The following NPLOC4 variants were observed in gnomAD, a reference collection of about 807,000 sequenced individuals.
NPLOC4 encodes NPL4 homolog, ubiquitin recognition factor.
Under a neutral mutation model 80.6 loss-of-function variants are expected in NPLOC4, and 18 were observed. The observed-to-expected ratio is 0.22, with a 90% CI of 0.15 to 0.33. NPLOC4 has a LOEUF of 0.33. Among genes scored for constraint, NPLOC4 ranks in the 10% least tolerant of loss-of-function variants. The pLI, the probability that NPLOC4 is intolerant of heterozygous loss-of-function variation, is 1.00. For synonymous variants in NPLOC4, 313 were observed against 301.5 expected (o/e 1.04, Z -0.39); for missense variants, 540 against 786.1 (o/e 0.69, Z 3.74).
intron 16 of NPLOC4, chr17:81,563,906 T>C: frequency 2.2e-6 from 1 of 454,618 alleles, no homozygotes; most frequent in Admixed American, 2.4e-5. Context: ...GAGCTAAACA[T>C]GGGTACTCAC....
Position 81,588,886 on chromosome 17 carries a change from C to A in NPLOC4, c.1281+58G>T, listed in dbSNP as rs559971869. The A allele has an allele frequency of 2.9e-4, 434 of 1,508,482 alleles. 6 individuals are homozygous for A. In the South Asian group the frequency reaches 5.0e-3, roughly 17 times the overall value. 93.4% of individuals were successfully genotyped at this position (1,508,482 alleles called of 1,614,324 possible). A position where few individuals can be genotyped will look rare whatever the true frequency, so the allele number is the denominator to read the frequency against. ...AGAATGCACCCAAATTAGAAAGGTC[C>A]AAGACAGGTTCACACCATTCTCCAT... On this transcript the variant is annotated intron_variant, in intron 12 of 16. Coordinates refer to ENST00000331134, the MANE Select transcript of NPLOC4 (RefSeq NM_017921.4).
chr17:81,609,277 C>CAA (rs908492671), intron 5 of NPLOC4, among the ~76,000 whole-genome samples: 1 of 152,194 alleles, frequency 6.6e-6, no homozygotes, highest in African/African-American at 2.4e-5. Flanking sequence ...CTTGGCCTCC[C>CAA]AAAGTGTTAG....
chr17:81,563,211 A>G (rs2033903357), intron 16 of NPLOC4: 1 of 151,638 alleles, frequency 6.6e-6, no homozygotes, highest in African/African-American at 2.4e-5. Flanking sequence ...AGTAGCTGGG[A>G]TTACAGGCGC....
chr17:81,600,258 G>T, intron 9 of NPLOC4, 83 bp downstream of exon 9: 1 of 934,200 alleles, frequency 1.1e-6, no homozygotes, highest in Non-Finnish European at 1.7e-6. Flanking sequence ...GACACAGCCC[G>T]GCCACTCTCC....
At chr17:81,570,564 C>G (rs1429261148) in intron 13 of NPLOC4, among the ~76,000 whole-genome samples, 1 of 152,206 alleles carries the variant, frequency 6.6e-6, no homozygotes, top group Non-Finnish European at 1.5e-5. Context: ...GTCCACACAG[C>G]CCATCCCAGA....
intron 11 of NPLOC4, among the ~76,000 whole-genome samples, chr17:81,591,447 G>GA (rs71367067): frequency 0.075 from 5,692 of 76,138 alleles, 411 homozygotes; most frequent in East Asian, 0.14. Flanking sequence ...GAGTAAAACA[G>GA]AAAAAAAAAA....
chr17:81,615,649 G>T (rs536169022), intron 3 of NPLOC4, among the ~76,000 whole-genome samples: 3 of 152,268 alleles, frequency 2.0e-5, no homozygotes, highest in Admixed American at 6.5e-5. Context: ...CACAGCTTTG[G>T]GCCTACAGCG....
At chr17:81,622,405 C>T in intron 2 of NPLOC4, 127 bp from the exon 3 acceptor site, 1 of 717,114 alleles carries the variant, frequency 1.4e-6, no homozygotes, top group Non-Finnish European at 2.4e-6. Context: ...TTACCAAATT[C>T]CTCTTGCTAT....
chr17:81,590,744 G>A (rs373408523), intron 11 of NPLOC4, among the ~76,000 whole-genome samples: 7 of 152,136 alleles, frequency 4.6e-5, no homozygotes, highest in South Asian at 2.1e-4. Flanking sequence ...AAACAGAAAC[G>A]TAGTGCACAT....
Position 81,572,165 on chromosome 17 carries a change from C to T in NPLOC4, c.1282-77G>A. 1 of 706,614 alleles carries T rather than the reference C, an allele frequency of 1.4e-6. No homozygotes were observed. Among genetic ancestry groups the T allele is most frequent in the Non-Finnish European group, 2.2e-6 (1 of 461,916 alleles). The allele number at this position is 706,614 out of a possible 1,614,324, so 43.8% of individuals were successfully genotyped here. Reference sequence around the variant, plus strand: ...ATTTTCCTTTCACATGCTTGTCTCACCTTTTATTTAATTAATTAATTTATT... The same window carrying T: ...ATTTTCCTTTCACATGCTTGTCTCATCTTTTATTTAATTAATTAATTTATT... On this transcript the variant is annotated intron_variant, in intron 12 of 16. Transcript: ENST00000331134. The surrounding 1 kb of genome is among the most constrained non-coding windows in gnomAD (Gnocchi z 4.5).
chr17:81,581,599 C>T (rs2034443240), intron 12 of NPLOC4, among the ~76,000 whole-genome samples: 1 of 152,178 alleles, frequency 6.6e-6, no homozygotes, highest in Admixed American at 6.5e-5. Context: ...AGCACCAAGG[C>T]CACCTCTCCT....
Position 81,568,262 on chromosome 17 carries a change from A to T in NPLOC4, c.1450-729T>A, listed in dbSNP as rs118070844. 4.1e-3 allele frequency among the ~76,000 whole-genome samples: 630 copies of T among 152,158 alleles called. 2 individuals carry two copies. Among genetic ancestry groups the T allele is most frequent in the Non-Finnish European group, 7.3e-3 (495 of 68,010 alleles). On this transcript the variant is annotated intron_variant, in intron 14 of 16. Transcript: ENST00000331134. ...TCCATCTAGGGCAGCAAGAGGGAGG[A>T]ATGTGCAGGGCAGCCGTGATGCAGC...
intron 12 of NPLOC4, among the ~76,000 whole-genome samples, chr17:81,579,085 T>C (rs1007871008): frequency 6.6e-5 from 10 of 152,200 alleles, no homozygotes; most frequent in Admixed American, 1.3e-4. Context: ...ATAGACTGCA[T>C]GCATTACTGT....
chr17:81,561,999 C>A (rs1367253730), intron 16 of NPLOC4: 2 of 152,212 alleles, frequency 1.3e-5, no homozygotes, highest in African/African-American at 2.4e-5. Flanking sequence ...TTTGGGAGAC[C>A]GAGGCAGGTG....
At chr17:81,585,170 C>CAAAAAAAAAAAAAAAA (rs35473939) in intron 12 of NPLOC4, among the ~76,000 whole-genome samples, 2 of 40,870 alleles carry the variant, frequency 4.9e-5, no homozygotes, top group African/African-American at 2.6e-4. Context: ...ACTCTGTCGC[C>CAAAAAAAAAAAAAAAA]AAAAAAAAAA....
chr17:81,575,836 G>T (rs1203727762), intron 12 of NPLOC4, among the ~76,000 whole-genome samples: 1 of 152,220 alleles, frequency 6.6e-6, no homozygotes. Context: ...TCTTAAGACT[G>T]GGAATATGCT....
intron 11 of NPLOC4, 111 bp from the exon 12 acceptor site, chr17:81,589,215 G>GTTT: frequency 4.1e-6 from 4 of 964,618 alleles, no homozygotes; most frequent in African/African-American, 1.7e-5. Flanking sequence ...TCAAGAGTTT[G>GTTT]TCGGGGGTAA....
At chr17:81,594,274 C>CTAGGG (rs2034831184) in intron 11 of NPLOC4, among the ~76,000 whole-genome samples, 1 of 53,662 alleles carries the variant, frequency 1.9e-5, no homozygotes, top group African/African-American at 9.9e-5. Flanking sequence ...GACTCCGTCT[C>CTAGGG]AAAAAAAAAA....
At chr17:81,595,736 G>A (rs560775434) in intron 11 of NPLOC4, among the ~76,000 whole-genome samples, 29 of 151,736 alleles carry the variant, frequency 1.9e-4, no homozygotes, top group Middle Eastern at 6.8e-3. Flanking sequence ...AAGAGATGGG[G>A]TTTCGCTATG....
Sources: allele counts gnomAD v4.1 joint callset (sites outside exome capture counted in the v4.1 genomes callset), GRCh38; gene constraint gnomAD v4.1.1; non-coding constraint Gnocchi (gnomAD v3.1); transcripts MANE v1.5; gene names NCBI Gene and HGNC (gene_info 2026-07-23, HGNC 2026-07-21).